ANKFN1: variants seen among roughly 807,000 people sequenced by gnomAD.
ANKFN1 encodes the protein ankyrin repeat and fibronectin type III domain containing 1.
A neutral mutation model predicts 108.7 loss-of-function variants in ANKFN1; 74 were observed. That is an observed-to-expected ratio of 0.68 (90% CI 0.56 to 0.83). ANKFN1 has a LOEUF of 0.83. Among genes scored for constraint, ANKFN1 ranks in the 40% least tolerant of loss-of-function variants. The probability of loss-of-function intolerance (pLI) is 0.00; values close to 1 mark genes in which losing one functional copy is unlikely to be tolerated. For missense variants in ANKFN1, 1,505 were observed against 1,382.3 expected, an observed-to-expected ratio of 1.09 and a Z score of -1.41; for synonymous variants, 547 against 516.2, an observed-to-expected ratio of 1.06 and a Z score of -0.81.
intron 8 of ANKFN1, among the ~76,000 whole-genome samples, 177 bp downstream of exon 8, chr17:56,374,891 T>G (rs2046904385): frequency 6.6e-6 from 1 of 152,228 alleles, no homozygotes; most frequent in Non-Finnish European, 1.5e-5. Flanking sequence ...ATCAAGTGAC[T>G]GAGAATGTCA....
rs150627971 is a variant in ANKFN1, at chr17:56,495,313, G to GTCTCTC, written c.2427+2979_2427+2984dup. ...TCTCTCCCTTTATGTTGACTTTGTG[G>GTCTCTC]TCTCTCTCTCTCTCTCTCTCTCTCA... On this transcript the variant is annotated intron_variant, in intron 19 of 20. Coordinates refer to ENST00000682825, the MANE Select transcript of ANKFN1 (RefSeq NM_001370326.1). 7.5e-3 allele frequency among the ~76,000 whole-genome samples: 1,105 copies of GTCTCTC among 147,570 alleles called. 5 individuals are homozygous for GTCTCTC. The highest frequency in any genetic ancestry group is 0.014 in the Admixed American group (214 of 14,804).
At chr17:56,504,182 ATTCC>A (rs1247334847) in intron 20 of ANKFN1, among the ~76,000 whole-genome samples, 1 of 152,262 alleles carries the variant, frequency 6.6e-6, no homozygotes. Flanking sequence ...AAATATTTAG[ATTCC>A]CACTACAGCA....
intron 3 of ANKFN1, among the ~76,000 whole-genome samples, chr17:56,239,528 CT>C (rs955764574): frequency 4.6e-5 from 7 of 152,234 alleles, no homozygotes; most frequent in Admixed American, 2.6e-4. Flanking sequence ...AATGTATCCA[CT>C]TTTTAAAAGC....
At chr17:56,057,843 T>A (rs182538881) in intron 4 of ANKFN1, among the ~76,000 whole-genome samples, 1 of 152,106 alleles carries the variant, frequency 6.6e-6, no homozygotes, top group Non-Finnish European at 1.5e-5. Flanking sequence ...ATGGGTGTTA[T>A]GTTAGAAGGC....
Position 56,235,853 on chromosome 17 carries a change from A to C in ANKFN1, c.53+7896A>C, listed in dbSNP as rs148088679. Among the ~76,000 whole-genome samples the C allele has an allele frequency of 1.4e-3, 217 of 152,232 alleles. 1 individual carries two copies. The highest frequency in any genetic ancestry group is 5.0e-3 in the African/African-American group (206 of 41,550). Reference sequence around the variant, plus strand: ...GCTATTCAGACTCTTTTTTGGTTCCATATGAATTTTGAAATCATTTTTTCT... The same window carrying C: ...GCTATTCAGACTCTTTTTTGGTTCCCTATGAATTTTGAAATCATTTTTTCT... On this transcript the variant is annotated intron_variant, in intron 3 of 20. Transcript: ENST00000682825.
intron 8 of ANKFN1, among the ~76,000 whole-genome samples, chr17:56,375,715 G>A (rs2046928779): frequency 6.6e-6 from 1 of 152,110 alleles, no homozygotes; most frequent in South Asian, 2.1e-4. Flanking sequence ...GAAAAGAAAG[G>A]GAAAGCCCAA....
At chr17:56,104,590 G>A (rs894510082) in intron 4 of ANKFN1, among the ~76,000 whole-genome samples, 17 of 152,320 alleles carry the variant, frequency 1.1e-4, no homozygotes, top group Admixed American at 8.5e-4. Flanking sequence ...GGCTGGAGGT[G>A]CCCAGAGCTA....
At chr17:56,478,763 C>T (rs1454419877) in intron 16 of ANKFN1, among the ~76,000 whole-genome samples, 1 of 151,840 alleles carries the variant, frequency 6.6e-6, no homozygotes, top group Non-Finnish European at 1.5e-5. Context: ...TTCTTCAGAC[C>T]TCAAAGGGCA....
At chr17:56,143,279 G>C (rs1567802344) in intron 4 of ANKFN1, among the ~76,000 whole-genome samples, 1 of 152,162 alleles carries the variant, frequency 6.6e-6, no homozygotes, top group Non-Finnish European at 1.5e-5. Flanking sequence ...GGATGGTTGA[G>C]CACAGAAGGG....
intron 3 of ANKFN1, among the ~76,000 whole-genome samples, chr17:56,325,249 G>C (rs1351054790): frequency 7.2e-6 from 1 of 139,166 alleles, no homozygotes; most frequent in East Asian, 2.4e-4. Context: ...TCTTAATGCT[G>C]TTGCTAGTGT....
intron 20 of ANKFN1, among the ~76,000 whole-genome samples, chr17:56,500,949 T>C (rs1394177696): frequency 6.6e-6 from 1 of 152,114 alleles, no homozygotes. Context: ...AAAATTCCAG[T>C]GTATAATACA....
chr17:56,126,518 G>A (rs1199710143), intron 4 of ANKFN1, among the ~76,000 whole-genome samples: 1 of 152,070 alleles, frequency 6.6e-6, no homozygotes, highest in Non-Finnish European at 1.5e-5. Context: ...CTTTAGACTT[G>A]GTGTTCTCTG....
intron 4 of ANKFN1, among the ~76,000 whole-genome samples, chr17:56,132,616 A>G (rs1907349429): frequency 6.6e-6 from 1 of 152,202 alleles, no homozygotes; most frequent in Non-Finnish European, 1.5e-5. Flanking sequence ...CCATAACAAA[A>G]TATACTCAAA....
At chr17:56,386,362 C>T (rs141069369) in intron 8 of ANKFN1, among the ~76,000 whole-genome samples, 1,686 of 151,920 alleles carry the variant, frequency 0.011, 37 homozygotes, top group African/African-American at 0.039. Flanking sequence ...AGGAGATATA[C>T]GTAATGCTAA....
intron 4 of ANKFN1, among the ~76,000 whole-genome samples, chr17:56,079,820 G>T (rs11650687): frequency 0.56 from 84,533 of 149,944 alleles, 24,962 homozygotes; most frequent in Non-Finnish European, 0.68. Context: ...TCTAGTTTCT[G>T]TAAAAAACAT....
intron 1 of ANKFN1, chr17:56,185,084 C>T (rs1912062733): frequency 6.6e-6 from 1 of 152,162 alleles, no homozygotes; most frequent in Non-Finnish European, 1.5e-5. Context: ...TTTTATCAAT[C>T]TCTGTCCACG....
At chr17:56,130,699 T>C (rs1227849690) in intron 4 of ANKFN1, among the ~76,000 whole-genome samples, 1 of 152,078 alleles carries the variant, frequency 6.6e-6, no homozygotes, top group Admixed American at 6.5e-5. Context: ...TTTGATTAGA[T>C]GGGGGGAGGA....
intron 4 of ANKFN1, among the ~76,000 whole-genome samples, chr17:56,341,102 CTTGACTG>C (rs1383592204): frequency 6.6e-6 from 1 of 151,782 alleles, no homozygotes. Flanking sequence ...TGGCTGTTGG[CTTGACTG>C]TTGTTGGTAT....
At chr17:56,213,869 G>A (rs546570934) in intron 2 of ANKFN1, among the ~76,000 whole-genome samples, 74 of 152,276 alleles carry the variant, frequency 4.9e-4, no homozygotes, top group Non-Finnish European at 7.2e-4. Flanking sequence ...GTTAGGGATC[G>A]TACTGTGCCC....
Sources: allele counts gnomAD v4.1 joint callset (sites outside exome capture counted in the v4.1 genomes callset), GRCh38; gene constraint gnomAD v4.1.1; transcripts MANE v1.5; gene names NCBI Gene and HGNC (gene_info 2026-07-23, HGNC 2026-07-21).